PALS2: variants seen among roughly 807,000 people sequenced by gnomAD.
The protein encoded by PALS2 is protein PALS2.
PALS2 carries 27 observed loss-of-function variants against 61.6 expected under a neutral mutation model. The ratio of observed to expected loss-of-function variants is 0.44; its 90% CI spans 0.32 to 0.60. The LOEUF (loss-of-function observed/expected upper bound fraction) is 0.60, where lower values mean the gene tolerates loss of function less well. Ranked by LOEUF, PALS2 falls within the 20% of genes least tolerant of loss-of-function variation. PALS2 has a pLI of 0.05. For synonymous variants in PALS2, 236 were observed against 218.6 expected (o/e 1.08, Z -0.70); for missense variants, 554 against 639.4 (o/e 0.87, Z 1.44).
chr7:24,650,166 T>C (rs1314184634), intron 4 of PALS2, among the ~76,000 whole-genome samples: 1 of 152,180 alleles, frequency 6.6e-6, no homozygotes, highest in Non-Finnish European at 1.5e-5. Context: ...GGTAAAATTA[T>C]TACTTCTGGA....
At chr7:24,614,785 T>C (rs946830508) in intron 1 of PALS2, among the ~76,000 whole-genome samples, 1 of 151,912 alleles carries the variant, frequency 6.6e-6, no homozygotes, top group African/African-American at 2.4e-5. Flanking sequence ...GAATACACAT[T>C]TTTTTCGTCA....
chr7:24,605,666 C>T (rs1175002882), intron 1 of PALS2, among the ~76,000 whole-genome samples: 2 of 152,000 alleles, frequency 1.3e-5, no homozygotes, highest in Non-Finnish European at 2.9e-5. Flanking sequence ...GTATAACATG[C>T]ATTACCCCTA....
intron 5 of PALS2, among the ~76,000 whole-genome samples, chr7:24,659,023 G>A (rs1175526294): frequency 6.6e-6 from 1 of 152,086 alleles, no homozygotes; most frequent in Non-Finnish European, 1.5e-5. Flanking sequence ...CTTCAAGTAA[G>A]CCCCAGGGTC....
At chr7:24,595,983 C>T (rs1783509852) in intron 1 of PALS2, among the ~76,000 whole-genome samples, 1 of 151,686 alleles carries the variant, frequency 6.6e-6, no homozygotes, top group South Asian at 2.1e-4. Context: ...GACAAGCAGA[C>T]AAAGGGAAAG....
intron 5 of PALS2, among the ~76,000 whole-genome samples, chr7:24,656,850 C>T (rs1323450370): frequency 6.6e-6 from 1 of 152,140 alleles, no homozygotes; most frequent in East Asian, 1.9e-4. Flanking sequence ...TCTTTGTGTC[C>T]ACTTCTCATT....
Position 24,614,087 on chromosome 7 carries a change from G to A in PALS2, c.-2-9579G>A, listed in dbSNP as rs957594248. On this transcript the variant is annotated intron_variant, in intron 1 of 11. Transcript: ENST00000222644. ...TATCTCATTAATACACTGATTTCCT[G>A]TACTTTGAATAAATTCCCAGTAGTG... is the stretch of plus-strand genomic sequence containing the variant. 8.6e-5 allele frequency among the ~76,000 whole-genome samples: 13 copies of A among 151,872 alleles called. No individual in the cohort carries two copies. The East Asian group carries it at 2.3e-3, about 27-fold the overall frequency.
chr7:24,598,620 A>G (rs1783606622), intron 1 of PALS2, among the ~76,000 whole-genome samples: 1 of 152,216 alleles, frequency 6.6e-6, no homozygotes, highest in Non-Finnish European at 1.5e-5. Context: ...AGATTGGATA[A>G]TCTGCTGTTT....
intron 5 of PALS2, among the ~76,000 whole-genome samples, chr7:24,654,135 G>T (rs1051646624): frequency 1.3e-5 from 2 of 151,092 alleles, no homozygotes; most frequent in African/African-American, 4.9e-5. Flanking sequence ...TTTAATTATT[G>T]ATTATATACA....
intron 6 of PALS2, among the ~76,000 whole-genome samples, chr7:24,664,741 A>G (rs1203351790): frequency 6.6e-6 from 1 of 152,086 alleles, no homozygotes; most frequent in Admixed American, 6.6e-5. Context: ...GTTTCCCCTG[A>G]ACTTTTTTTA....
intron 11 of PALS2, among the ~76,000 whole-genome samples, chr7:24,686,418 T>TTGAA (rs1788207191): frequency 6.6e-6 from 1 of 152,222 alleles, no homozygotes; most frequent in Admixed American, 6.5e-5. Context: ...TCTGGTCTTC[T>TTGAA]TTCAGTATCT....
At chr7:24,650,453 T>C in intron 4 of PALS2, 32 bp from the exon 5 acceptor site, 1 of 1,488,244 alleles carries the variant, frequency 6.7e-7, no homozygotes, top group Non-Finnish European at 9.1e-7. Flanking sequence ...TCCCTAATAA[T>C]TAATGAGAAA....
intron 3 of PALS2, 138 bp from the exon 4 acceptor site, chr7:24,649,474 C>T: frequency 2.0e-6 from 1 of 490,828 alleles, no homozygotes. Context: ...TTTGATCAAC[C>T]TGATATTTGG....
At chr7:24,655,070 A>G (rs1786345963) in intron 5 of PALS2, among the ~76,000 whole-genome samples, 1 of 152,244 alleles carries the variant, frequency 6.6e-6, no homozygotes, top group Admixed American at 6.5e-5. Flanking sequence ...ATAATGTGAT[A>G]TACCATTAAG....
At chr7:24,647,210 G>A (rs1003595756) in intron 3 of PALS2, among the ~76,000 whole-genome samples, 1 of 150,450 alleles carries the variant, frequency 6.6e-6, no homozygotes, top group African/African-American at 2.5e-5. Flanking sequence ...GCAGTGGCAC[G>A]ATCTCGGTTC....
At chr7:24,635,261 G>A (rs1785182025) in intron 2 of PALS2, among the ~76,000 whole-genome samples, 1 of 152,000 alleles carries the variant, frequency 6.6e-6, no homozygotes, top group African/African-American at 2.4e-5. Context: ...TATAAATTTT[G>A]CACTTGTTTT....
At chr7:24,616,951 T>C (rs1293939576) in intron 1 of PALS2, among the ~76,000 whole-genome samples, 1 of 152,244 alleles carries the variant, frequency 6.6e-6, no homozygotes, top group Non-Finnish European at 1.5e-5. Context: ...GAATGTCCAT[T>C]ATCTCCCAAG....
intron 1 of PALS2, among the ~76,000 whole-genome samples, chr7:24,620,970 A>G (rs934201043): frequency 1.3e-5 from 2 of 152,144 alleles, no homozygotes; most frequent in Non-Finnish European, 1.5e-5. Context: ...CTAAAAATAA[A>G]AACAAATGTA....
intron 1 of PALS2, among the ~76,000 whole-genome samples, chr7:24,607,138 C>T (rs1384942795): frequency 3.9e-5 from 6 of 152,054 alleles, no homozygotes; most frequent in Non-Finnish European, 8.8e-5. Context: ...TTATATTTTT[C>T]AGGTAAGAAG....
intron 1 of PALS2, among the ~76,000 whole-genome samples, chr7:24,600,518 T>A (rs1023667834): frequency 2.0e-5 from 3 of 152,164 alleles, no homozygotes; most frequent in South Asian, 2.1e-4. Context: ...GGTCAATAAT[T>A]TTTGAGCCCC....
Sources: allele counts gnomAD v4.1 joint callset (sites outside exome capture counted in the v4.1 genomes callset), GRCh38; gene constraint gnomAD v4.1.1; transcripts MANE v1.5; gene names NCBI Gene and HGNC (gene_info 2026-07-23, HGNC 2026-07-21).